The following CCDC150 variants were observed in gnomAD, a reference collection of about 807,000 sequenced individuals.
CCDC150 encodes the protein coiled-coil domain-containing protein 150.
Under a neutral mutation model 156.5 loss-of-function variants are expected in CCDC150, and 151 were observed. The ratio of observed to expected loss-of-function variants is 0.97; its 90% CI spans 0.85 to 1.10. The LOEUF (loss-of-function observed/expected upper bound fraction) is 1.10. Among genes scored for constraint, CCDC150 ranks in the 50% least tolerant of loss-of-function variants. CCDC150 has a pLI of 0.00. For missense variants in CCDC150, 1,312 were observed against 1,268.1 expected (o/e 1.03, Z -0.53); for synonymous variants, 452 against 429.4 (o/e 1.05, Z -0.65).
chr2:196,715,025 A>G (rs1697408179), intron 17 of CCDC150, among the ~76,000 whole-genome samples: 1 of 152,188 alleles, frequency 6.6e-6, no homozygotes, highest in Non-Finnish European at 1.5e-5. Context: ...TGGGGAAAAG[A>G]CATCCTCCTT....
At chr2:196,709,323 G>A (rs1264235247) in intron 15 of CCDC150, among the ~76,000 whole-genome samples, 2 of 152,152 alleles carry the variant, frequency 1.3e-5, no homozygotes, top group East Asian at 1.9e-4. Flanking sequence ...TATGCATCAC[G>A]TAGTTCTCGT....
chr2:196,671,553 G>A (rs549360985), intron 8 of CCDC150, among the ~76,000 whole-genome samples: 1 of 146,816 alleles, frequency 6.8e-6, no homozygotes, highest in Admixed American at 7.1e-5. Context: ...TCAGCCTCCC[G>A]AGTAGTTGGG....
intron 1 of CCDC150, among the ~76,000 whole-genome samples, chr2:196,644,573 T>G (rs901889461): frequency 7.2e-5 from 11 of 151,792 alleles, no homozygotes; most frequent in Admixed American, 2.0e-4. Flanking sequence ...TTCCCAGAAA[T>G]GTAGAGGAGC....
chr2:196,695,300 A>G, intron 14 of CCDC150, 141 bp downstream of exon 14: 1 of 476,142 alleles, frequency 2.1e-6, no homozygotes, highest in Non-Finnish European at 3.8e-6. Flanking sequence ...CAGTATTCAA[A>G]CAATAGTGAT....
chr2:196,651,614 A>T (rs75077800), intron 2 of CCDC150, among the ~76,000 whole-genome samples: 1 of 152,104 alleles, frequency 6.6e-6, no homozygotes, highest in Non-Finnish European at 1.5e-5. Context: ...CTTCTTGCCT[A>T]CTAGGTTTCT....
intron 13 of CCDC150, among the ~76,000 whole-genome samples, chr2:196,680,480 T>C (rs1056894251): frequency 6.6e-6 from 1 of 152,164 alleles, no homozygotes; most frequent in Non-Finnish European, 1.5e-5. Context: ...TTTTTTATTT[T>C]TTGTAGAGAC....
chr2:196,726,034 C>T lies in CCDC150; in HGVS notation c.2491C>T (p.Leu831=). Residue 831 remains leucine (L), a synonymous_variant, in exon 22 of 28, where the codon CTA becomes TTA. Transcript: ENST00000389175. ...AELHAERIEA[L]RKQFQTERET... is the part of the protein sequence containing the mutation. Reference sequence around the variant, plus strand: ...ATTGCATGCTGAACGCATAGAAGCTCTAAGAAAGCAGTTTCAAACCGAGAG... The same window carrying T: ...ATTGCATGCTGAACGCATAGAAGCTTTAAGAAAGCAGTTTCAAACCGAGAG... 3 of 1,611,188 alleles carry T rather than the reference C, an allele frequency of 1.9e-6. No individual in the cohort carries two copies. The highest frequency in any genetic ancestry group is 1.7e-6 in the Non-Finnish European group (2 of 1,178,640).
chr2:196,696,067 ATCT>A (rs778343432), intron 14 of CCDC150, among the ~76,000 whole-genome samples: 1 of 152,144 alleles, frequency 6.6e-6, no homozygotes, highest in Non-Finnish European at 1.5e-5. Flanking sequence ...CTAAGTCTAA[ATCT>A]TCTTATATGG....
At chr2:196,667,674 G>A (rs1020484461) in intron 7 of CCDC150, 1 of 152,202 alleles carries the variant, frequency 6.6e-6, no homozygotes, top group Non-Finnish European at 1.5e-5. Context: ...ACTCCAAGCC[G>A]AGTGTACTCT....
intron 15 of CCDC150, among the ~76,000 whole-genome samples, chr2:196,701,673 T>C (rs560529520): frequency 6.6e-6 from 1 of 152,320 alleles, no homozygotes; most frequent in South Asian, 2.1e-4. Flanking sequence ...TCCAAATCAG[T>C]GGTGCTAAGT....
At chr2:196,653,359 C>G (rs1266843546) in intron 2 of CCDC150, among the ~76,000 whole-genome samples, 1 of 152,190 alleles carries the variant, frequency 6.6e-6, no homozygotes, top group African/African-American at 2.4e-5. Flanking sequence ...GCAGCTACAT[C>G]ACTTCTGGAA....
At chr2:196,692,324 C>T (rs918889981) in intron 13 of CCDC150, among the ~76,000 whole-genome samples, 7 of 150,358 alleles carry the variant, frequency 4.7e-5, no homozygotes, top group Admixed American at 6.6e-5. Flanking sequence ...TTAGTAGAGA[C>T]GGGGTTTCAC....
In CCDC150 at chr2:196,712,153, T is replaced by G; in HGVS notation, c.1704T>G (p.Val568=). Residue 568 remains valine (V), a synonymous_variant, in exon 16 of 28, where the codon GTT becomes GTG. Transcript: ENST00000389175. The stretch of plus-strand genomic sequence containing the variant: ...TTTTGTTTTTCCTCTAGATAAAAGT[T>G]AAACAGCTAGAAGAACAAGTACAGT... ...AYENGKLQIK[V]KQLEEQVQSF... 1 of 1,533,152 alleles carries G rather than the reference T, an allele frequency of 6.5e-7. No homozygotes were observed. The highest frequency in any genetic ancestry group is 8.8e-7 in the Non-Finnish European group (1 of 1,133,912). 95.0% of individuals were successfully genotyped at this position (1,533,152 alleles called of 1,614,324 possible). A position where few individuals can be genotyped will look rare whatever the true frequency, so the allele number is the denominator to read the frequency against.
chr2:196,729,128 A>G, intron 22 of CCDC150, 65 bp from the exon 23 acceptor site: 1 of 1,388,550 alleles, frequency 7.2e-7, no homozygotes, highest in Non-Finnish European at 9.7e-7. Flanking sequence ...ATATAAGGAC[A>G]AAACTAAGTA....
chr2:196,645,690 C>G (rs1416141255), intron 1 of CCDC150, among the ~76,000 whole-genome samples: 1 of 152,122 alleles, frequency 6.6e-6, no homozygotes, highest in Non-Finnish European at 1.5e-5. Flanking sequence ...GGGGAGGAGT[C>G]TGTGGAAAGT....
At chr2:196,730,512 C>T (rs945540844) in intron 25 of CCDC150, among the ~76,000 whole-genome samples, 1 of 152,110 alleles carries the variant, frequency 6.6e-6, no homozygotes, top group Non-Finnish European at 1.5e-5. Flanking sequence ...AAAAGCATAA[C>T]GTCTTATCAC....
intron 13 of CCDC150, among the ~76,000 whole-genome samples, chr2:196,690,644 C>A (rs902825848): frequency 2.0e-5 from 3 of 151,858 alleles, no homozygotes; most frequent in African/African-American, 7.3e-5. Context: ...ATCATGTCAT[C>A]TGCAAACAGG....
chr2:196,671,289 C>T (rs1324411692), intron 8 of CCDC150, among the ~76,000 whole-genome samples: 1 of 152,068 alleles, frequency 6.6e-6, no homozygotes, highest in Non-Finnish European at 1.5e-5. Context: ...ATAGATTTGC[C>T]TTTTCCAGAA....
At chr2:196,640,454 T>C (rs560727928) in intron 1 of CCDC150, among the ~76,000 whole-genome samples, 1 of 152,346 alleles carries the variant, frequency 6.6e-6, no homozygotes, top group Admixed American at 6.5e-5. Flanking sequence ...TCCCGCCTTA[T>C]GGTTTTCTTG....
Sources: gnomAD v4.1 joint callset for allele counts (sites outside exome capture counted in the v4.1 genomes callset) on GRCh38, gnomAD v4.1.1 for gene constraint, MANE v1.5 for transcripts, NCBI Gene and HGNC (gene_info 2026-07-23, HGNC 2026-07-21) for gene names.